Variants in LRCH1 observed in about 807,000 individuals in gnomAD.
The protein encoded by LRCH1 is leucine-rich repeat and calponin homology domain-containing protein 1.
LRCH1 carries 23 observed loss-of-function variants against 94.9 expected under a neutral mutation model. That is an observed-to-expected ratio of 0.24 (90% CI 0.17 to 0.34). LRCH1 has a LOEUF of 0.34. Ranked by LOEUF, LRCH1 falls within the 10% of genes least tolerant of loss-of-function variation. The pLI is 1.00. For missense variants in LRCH1, 790 were observed against 945.9 expected (o/e 0.84, Z 2.16); for synonymous variants, 364 against 354.9 (o/e 1.03, Z -0.29).
rs2051339115 is a variant in LRCH1, at chr13:46,653,917, A to G, written c.452+3572A>G. Among the ~76,000 whole-genome samples, 4 of 152,338 alleles carry G rather than the reference A, an allele frequency of 2.6e-5. No homozygotes were observed. In the South Asian group the frequency reaches 8.3e-4, roughly 32 times the overall value. ...GCTGGTCCTCTTGTGTTATTCAATT[A>G]CAAGGCCTTTAATTCCTATTTGATT... On this transcript the variant is annotated intron_variant, in intron 2 of 19. Coordinates refer to ENST00000389797, the MANE Select transcript of LRCH1 (RefSeq NM_001164211.2).
intron 2 of LRCH1, among the ~76,000 whole-genome samples, chr13:46,667,610 G>A (rs1231498852): frequency 6.6e-6 from 1 of 151,750 alleles, no homozygotes; most frequent in African/African-American, 2.4e-5. Flanking sequence ...ACACCAACAT[G>A]GCGCATGTAT....
At chr13:46,635,954 A>T (rs1477602798) in intron 1 of LRCH1, among the ~76,000 whole-genome samples, 5 of 150,174 alleles carry the variant, frequency 3.3e-5, no homozygotes, top group African/African-American at 7.4e-5. Context: ...GCCTGAACTC[A>T]TTATAACTTA....
intron 1 of LRCH1, among the ~76,000 whole-genome samples, chr13:46,570,006 A>G (rs1180656954): frequency 3.3e-5 from 5 of 152,072 alleles, no homozygotes; most frequent in Non-Finnish European, 7.4e-5. Context: ...TTGGTCCTTA[A>G]TTGTTCTTTA....
At chr13:46,624,362 C>A (rs748898771) in intron 1 of LRCH1, among the ~76,000 whole-genome samples, 5 of 152,182 alleles carry the variant, frequency 3.3e-5, no homozygotes, top group African/African-American at 9.7e-5. Context: ...TTAAGGAAAG[C>A]ACTTTGGGAA....
At chr13:46,589,311 G>A (rs1468893916) in intron 1 of LRCH1, among the ~76,000 whole-genome samples, 1 of 152,160 alleles carries the variant, frequency 6.6e-6, no homozygotes, top group Non-Finnish European at 1.5e-5. Flanking sequence ...TTATAGGCAT[G>A]AGCCACTGTG....
chr13:46,695,457 A>C (rs770718815), intron 9 of LRCH1, among the ~76,000 whole-genome samples: 3 of 152,206 alleles, frequency 2.0e-5, no homozygotes, highest in Non-Finnish European at 4.4e-5. Flanking sequence ...GAGGACACTT[A>C]TTCCTGAACT....
intron 1 of LRCH1, among the ~76,000 whole-genome samples, chr13:46,583,904 G>C (rs774592567): frequency 6.6e-6 from 1 of 152,028 alleles, no homozygotes; most frequent in Non-Finnish European, 1.5e-5. Flanking sequence ...GGGATTACAG[G>C]CGTGAGCCAC....
intron 3 of LRCH1, among the ~76,000 whole-genome samples, chr13:46,678,696 A>G (rs961687353): frequency 2.6e-5 from 4 of 152,226 alleles, no homozygotes; most frequent in African/African-American, 9.6e-5. Flanking sequence ...CTACTGCCAA[A>G]TAAGTTTTCA....
At chr13:46,588,504 A>G (rs1165079152) in intron 1 of LRCH1, among the ~76,000 whole-genome samples, 1 of 152,132 alleles carries the variant, frequency 6.6e-6, no homozygotes, top group African/African-American at 2.4e-5. Flanking sequence ...ATGTGGAAAA[A>G]TTGAAGAATT....
chr13:46,752,364 G>C (rs1874176834), exon 19 of LRCH1: 1 of 152,274 alleles, frequency 6.6e-6, no homozygotes, highest in Admixed American at 6.5e-5. Context: ...ACCAGGAGGA[G>C]GATTCAGTGT....
exon 19 of LRCH1, chr13:46,750,757 C>A: frequency 1.4e-6 from 1 of 696,130 alleles, no homozygotes; most frequent in Non-Finnish European, 2.4e-6. Context: ...CCTGTCACTT[C>A]ACTGACTCCA....
intron 19 of LRCH1, among the ~76,000 whole-genome samples, chr13:46,737,946 G>C (rs1873465851): frequency 6.6e-6 from 1 of 152,050 alleles, no homozygotes; most frequent in Non-Finnish European, 1.5e-5. Context: ...ATATTTATTT[G>C]GTTCACCAGG....
At chr13:46,683,960 C>A (rs1326412161) in intron 4 of LRCH1, among the ~76,000 whole-genome samples, 1 of 152,120 alleles carries the variant, frequency 6.6e-6, no homozygotes, top group Admixed American at 6.5e-5. Flanking sequence ...ACTGTAAAGA[C>A]TTTCCCTATT....
At chr13:46,633,398 C>T (rs1374621300) in intron 1 of LRCH1, among the ~76,000 whole-genome samples, 1 of 152,176 alleles carries the variant, frequency 6.6e-6, no homozygotes, top group Non-Finnish European at 1.5e-5. Context: ...AAATTCTGCC[C>T]TGTATTATAC....
intron 1 of LRCH1, among the ~76,000 whole-genome samples, chr13:46,630,272 A>G (rs908981650): frequency 6.6e-6 from 1 of 152,126 alleles, no homozygotes; most frequent in African/African-American, 2.4e-5. Flanking sequence ...GGGGCAGACT[A>G]TTTTTCTGTT....
chr13:46,729,061 T>G lies in LRCH1; in HGVS notation c.2007+77T>G, dbSNP rs550332626. 42 of 1,418,828 alleles carry G rather than the reference T, an allele frequency of 3.0e-5. No homozygotes were observed. The South Asian group carries it at 6.0e-4, about 20-fold the overall frequency. 87.9% of individuals were successfully genotyped at this position (1,418,828 alleles called of 1,614,324 possible). A position where few individuals can be genotyped will look rare whatever the true frequency, so the allele number is the denominator to read the frequency against. ...CACTGTTGTTGGTTTAGGATGTCAA[T>G]GGTGTCAGTAGGAGCTTGCTCAAAT... On this transcript the variant is annotated intron_variant, in intron 18 of 19. Transcript: ENST00000389797.
intron 1 of LRCH1, among the ~76,000 whole-genome samples, chr13:46,564,812 G>T (rs1267138220): frequency 6.6e-6 from 1 of 152,220 alleles, no homozygotes; most frequent in Admixed American, 6.5e-5. Flanking sequence ...CCCTTGGGTG[G>T]TTGTATAGAT....
chr13:46,746,802 T>C (rs977024055), downstream of LRCH1, among the ~76,000 whole-genome samples: 2 of 152,146 alleles, frequency 1.3e-5, no homozygotes, highest in Non-Finnish European at 2.9e-5. Context: ...CTGTGCACAC[T>C]TCAAGGATCC....
At chr13:46,566,166 A>G (rs1215634728) in intron 1 of LRCH1, among the ~76,000 whole-genome samples, 1 of 152,202 alleles carries the variant, frequency 6.6e-6, no homozygotes, top group Non-Finnish European at 1.5e-5. Flanking sequence ...CAGTCTCTTC[A>G]TGTTCTTGGC....
Sources: allele counts gnomAD v4.1 joint callset (sites outside exome capture counted in the v4.1 genomes callset), GRCh38; gene constraint gnomAD v4.1.1; transcripts MANE v1.5; gene names NCBI Gene and HGNC (gene_info 2026-07-23, HGNC 2026-07-21).